The following ESRRA variants were observed in gnomAD, a reference collection of about 807,000 sequenced individuals.
The protein encoded by ESRRA is steroid hormone receptor ERR1.
ESRRA carries 7 observed loss-of-function variants against 35.6 expected under a neutral mutation model. That is an observed-to-expected ratio of 0.20 (90% confidence interval 0.11 to 0.37). ESRRA has a LOEUF of 0.37. Ranked by LOEUF, ESRRA falls within the 10% of genes least tolerant of loss-of-function variation. The pLI is 1.00. For synonymous variants in ESRRA, 223 were observed against 246.9 expected, an observed-to-expected ratio of 0.90 and a Z score of 0.91; for missense variants, 378 against 561.7, an observed-to-expected ratio of 0.67 and a Z score of 3.31.
In ESRRA at chr11:64,315,265, A is replaced by G; in HGVS notation, c.1007A>G (p.Asn336Ser). The G allele has an allele frequency of 1.3e-6, 2 of 1,556,540 alleles. No individual in the cohort carries two copies. Among genetic ancestry groups the G allele is most frequent in the Non-Finnish European group, 1.7e-6 (2 of 1,147,984 alleles). ...CTACTAAAGGCCTTGGCCCTTGCCAATTCAGGTGAGTCTGGGGCAGGCACT... is the reference window on the plus strand; with the variant it reads ...CTACTAAAGGCCTTGGCCCTTGCCAGTTCAGGTGAGTCTGGGGCAGGCACT... Reference protein sequence around the residue: ...YVLLKALALANSDSVHIEDAE... With the variant: ...YVLLKALALASSDSVHIEDAE... Residue 336 changes from asparagine (N) to serine (S), a missense_variant, in exon 6 of 7, where the codon AAT becomes AGT. Asn to Ser is a conservative substitution (Grantham distance 46). Around this residue, in one of 4 missense-constraint regions of ESRRA, gnomAD observed 284 missense variants for 411.7 expected, o/e 0.69. Transcript: ENST00000000442.
chr11:64,316,109 GC>G lies in ESRRA; in HGVS notation c.*147del, dbSNP rs1345958209. On this transcript the variant is annotated 3_prime_UTR_variant, in exon 7 of 7. Coordinates refer to ENST00000000442, the MANE Select transcript of ESRRA (RefSeq NM_004451.5). ...CAATGCCATCAGCCCCTGGGAACAG[GC>G]CCCACGCCCTCTCCTCCCCCTCCTA... 6 of 976,452 alleles carry G rather than the reference GC, an allele frequency of 6.1e-6. No individual in the cohort carries two copies. The highest frequency in any genetic ancestry group is 9.0e-6 in the Non-Finnish European group (6 of 663,606). 60.5% of individuals were successfully genotyped at this position (976,452 alleles called of 1,614,324 possible).
Position 64,307,373 on chromosome 11 carries a change from G to A in ESRRA, c.194G>A (p.Gly65Asp), listed in dbSNP as rs1337253844. 11 of 1,605,310 alleles carry A rather than the reference G, an allele frequency of 6.9e-6. No individual in the cohort carries two copies. Among genetic ancestry groups the A allele is most frequent in the Non-Finnish European group, 9.4e-6 (11 of 1,174,632 alleles). The change falls in exon 2 of 7, where the codon GGC (glycine) becomes GAC (aspartate). Residue 65 changes from glycine to aspartate, a missense_variant. By Grantham distance (94) the Gly-to-Asp change is moderately conservative. This residue lies in a region of ESRRA where 87 missense variants were observed against 92.6 expected (regional missense o/e 0.94). Transcript: ENST00000000442. ...GAGGGGGCTGGGCCTGGCGAGCAGG[G>A]CGGTGGGAAGCTGGTGCTCAGCTCC... The part of the protein sequence containing the change: ...DGEGAGPGEQ[G>D]GGKLVLSSLP...
rs747870707 is a variant in ESRRA at position 64,315,792 on chromosome 11, G to C, written c.1098G>C (p.Arg366=). The C allele has an allele frequency of 6.2e-6, 10 of 1,613,376 alleles. No homozygotes were observed. In the African/African-American group the frequency reaches 1.2e-4, roughly 19 times the overall value. ...HEALLEYEAG[R]AGPGGGAERR... is the part of the protein sequence containing the mutation. ...CCCTGCTGGAGTATGAAGCCGGCCG[G>C]GCTGGCCCCGGAGGGGGTGCTGAGC... Residue 366 remains arginine, a synonymous_variant, in exon 7 of 7, where the codon CGG becomes CGC. Coordinates refer to ENST00000000442, the MANE Select transcript of ESRRA (RefSeq NM_004451.5).
rs762287703 is a variant in ESRRA at position 64,315,192 on chromosome 11, C to G, written c.934C>G (p.Leu312Val). The G allele has an allele frequency of 6.2e-7, 1 of 1,612,494 alleles. No homozygotes were observed. The highest frequency in any genetic ancestry group is 1.7e-5 in the Admixed American group (1 of 59,898). Residue 312 changes from leucine to valine, a missense_variant, in exon 6 of 7, where the codon CTA (leucine) becomes GTA (valine). Leu to Val is a conservative substitution (Grantham distance 32). Around this residue, in one of 4 missense-constraint regions of ESRRA, gnomAD observed 284 missense variants for 411.7 expected, o/e 0.69. Transcript: ENST00000000442. Reference protein sequence around the residue: ...LGELGAALLQLVRRLQALRLE... With the variant: ...LGELGAALLQVVRRLQALRLE... ...GGAACTGGGGGCTGCCCTGCTGCAA[C>G]TAGTGCGGCGGCTGCAGGCCCTGCG...
At chr11:64,308,188 C>T (rs1461289008) in intron 2 of ESRRA, among the ~76,000 whole-genome samples, 1 of 151,776 alleles carries the variant, frequency 6.6e-6, no homozygotes, top group Admixed American at 6.6e-5. Context: ...TTGAGAGGGG[C>T]TACATCATAG....
chr11:64,314,598 C>T (rs886296805), intron 4 of ESRRA, 143 bp from the exon 5 acceptor site: 8 of 941,840 alleles, frequency 8.5e-6, no homozygotes, highest in Non-Finnish European at 1.2e-5. Context: ...CCCTGGGAGA[C>T]AGTTAGCGCT....
At chr11:64,310,132 A>G (rs1182387141) in intron 2 of ESRRA, among the ~76,000 whole-genome samples, 1 of 152,108 alleles carries the variant, frequency 6.6e-6, no homozygotes, top group Non-Finnish European at 1.5e-5. Context: ...GGGTCAGTAT[A>G]GGTCCAGAGC....
In ESRRA at chr11:64,312,296, C is replaced by T. The variant is rs368018470; in HGVS notation, c.326-1655C>T. Among the ~76,000 whole-genome samples, 23 of 152,220 alleles carry T rather than the reference C, an allele frequency of 1.5e-4. 1 individual carries two copies. The highest frequency in any genetic ancestry group is 3.4e-3 in the Middle Eastern group (1 of 294). On this transcript the variant is annotated intron_variant, in intron 2 of 6. Transcript: ENST00000000442. The stretch of plus-strand genomic sequence containing the variant: ...CTGGGACTACAGGTGCCTGCCACCA[C>T]ACCCAGCTAATTTTTGTACTTTTAG...
In ESRRA at chr11:64,313,780, C is replaced by T; in HGVS notation, c.326-171C>T. ...GCTCCTCCCTCATCCAGGCAGGGCT[C>T]CCCCGCCCAGCAGCCACTCCCCTCC... On this transcript the variant is annotated intron_variant, in intron 2 of 6. Coordinates refer to ENST00000000442, the MANE Select transcript of ESRRA (RefSeq NM_004451.5). This position sits in a 1 kb window ranked among gnomAD's most constrained non-coding sequence, Gnocchi z 4.0. The T allele has an allele frequency of 3.6e-6, 2 of 561,338 alleles. No homozygotes were observed. The highest frequency in any genetic ancestry group is 6.4e-6 in the Non-Finnish European group (2 of 313,510). The allele number at this position is 561,338 out of a possible 1,614,324, so 34.8% of individuals were successfully genotyped here.
Position 64,316,113 on chromosome 11 carries a change from C to T in ESRRA, c.*147C>T, listed in dbSNP as rs554238999. 5.2e-4 allele frequency: 491 copies of T among 937,556 alleles called. 2 individuals carry two copies. In the African/African-American group the frequency reaches 7.4e-3, roughly 14 times the overall value. The allele number at this position is 937,556 out of a possible 1,614,324, so 58.1% of individuals were successfully genotyped here. Reference sequence around the variant, plus strand: ...GCCATCAGCCCCTGGGAACAGGCCCCACGCCCTCTCCTCCCCCTCCTAGGG... The same window carrying T: ...GCCATCAGCCCCTGGGAACAGGCCCTACGCCCTCTCCTCCCCCTCCTAGGG... On this transcript the variant is annotated 3_prime_UTR_variant, in exon 7 of 7. Transcript: ENST00000000442.
intron 2 of ESRRA, among the ~76,000 whole-genome samples, chr11:64,308,842 C>G (rs1404448719): frequency 6.9e-6 from 1 of 144,544 alleles, no homozygotes; most frequent in Non-Finnish European, 1.5e-5. Context: ...AGGCTGGGCG[C>G]GGTGGCTCAT....
rs554500394 is a variant in ESRRA at position 64,315,525 on chromosome 11, T to A, written c.1013-182T>A. 9.2e-5 allele frequency among the ~76,000 whole-genome samples: 14 copies of A among 152,114 alleles called. No homozygotes were observed. In the East Asian group the frequency reaches 2.5e-3, roughly 27 times the overall value. On this transcript the variant is annotated intron_variant, in intron 6 of 6. Coordinates refer to ENST00000000442, the MANE Select transcript of ESRRA (RefSeq NM_004451.5). ...TGGGGAGGGTACAAGGTGGCCACAG[T>A]TGAGGGAGAGAGGGTGGGGTCCTGG... is the stretch of plus-strand genomic sequence containing the variant.
At chr11:64,311,564 T>C (rs746040084) in intron 2 of ESRRA, among the ~76,000 whole-genome samples, 5 of 148,612 alleles carry the variant, frequency 3.4e-5, no homozygotes, top group Admixed American at 1.3e-4. Context: ...TACAGGCGCA[T>C]GGCACCACGC....
chr11:64,313,849 C>G lies in ESRRA; in HGVS notation c.326-102C>G. 1.3e-6 allele frequency: 1 copy of G among 772,004 alleles called. No individual in the cohort carries two copies. The highest frequency in any genetic ancestry group is 2.1e-6 in the Non-Finnish European group (1 of 473,440). The allele number at this position is 772,004 out of a possible 1,614,324, so 47.8% of individuals were successfully genotyped here. Reference sequence around the variant, plus strand: ...CTGCTCTCCCTTTCCTCCCCATACCCCCAGACCTGTGCTTGCCCGGGGAGA... The same window carrying G: ...CTGCTCTCCCTTTCCTCCCCATACCGCCAGACCTGTGCTTGCCCGGGGAGA... On this transcript the variant is annotated intron_variant, in intron 2 of 6. Coordinates refer to ENST00000000442, the MANE Select transcript of ESRRA (RefSeq NM_004451.5). The surrounding 1 kb of genome is among the most constrained non-coding windows in gnomAD (Gnocchi z 4.0).
chr11:64,310,321 G>A (rs2035115418), intron 2 of ESRRA, among the ~76,000 whole-genome samples: 3 of 147,380 alleles, frequency 2.0e-5, no homozygotes, highest in Non-Finnish European at 1.5e-5. Flanking sequence ...TGCAAGCTCC[G>A]CCTCCCGGGT....
chr11:64,314,274 A>G lies in ESRRA; in HGVS notation c.478A>G (p.Lys160Glu). 1 of 1,612,458 alleles carries G rather than the reference A, an allele frequency of 6.2e-7. No homozygotes were observed. Among genetic ancestry groups the G allele is most frequent in the Non-Finnish European group, 8.5e-7 (1 of 1,179,750 alleles). The change falls in exon 4 of 7, where the codon AAG becomes GAG. Residue 160 changes from lysine to glutamate, a missense_variant. Lys to Glu is a moderately conservative substitution (Grantham distance 56). Coordinates refer to ENST00000000442, the MANE Select transcript of ESRRA (RefSeq NM_004451.5). ...GGACCGCGTCCGGGGTGGGCGGCAG[A>G]AGTACAAGCGGCGGCCGGAGGTGGA... ...RLDRVRGGRQ[K>E]YKRRPEVDPL... is the part of the protein sequence containing the mutation.
At chr11:64,314,946 C>T (rs375492300) in intron 5 of ESRRA, 35 bp downstream of exon 5, 21 of 1,605,542 alleles carry the variant, frequency 1.3e-5, no homozygotes, top group Admixed American at 1.0e-4. Context: ...CTGCCCTGAA[C>T]GGGCCCGGCT....
intron 5 of ESRRA, 25 bp from the exon 6 acceptor site, chr11:64,314,976 A>C (rs1478477761): frequency 6.3e-7 from 1 of 1,590,592 alleles, no homozygotes; most frequent in Non-Finnish European, 8.6e-7. Flanking sequence ...TTGCTCAGCC[A>C]GGCCCGCTCC....
chr11:64,314,947 G>A (rs201418650), intron 5 of ESRRA, 36 bp downstream of exon 5: 26 of 1,605,572 alleles, frequency 1.6e-5, no homozygotes, highest in Admixed American at 6.7e-5. Context: ...TGCCCTGAAC[G>A]GGCCCGGCTC....
Sources: allele counts gnomAD v4.1 joint callset (sites outside exome capture counted in the v4.1 genomes callset), GRCh38; gene constraint gnomAD v4.1.1; regional missense constraint gnomAD v4.1.1; non-coding constraint Gnocchi (gnomAD v3.1); transcripts MANE v1.5; gene names NCBI Gene and HGNC (gene_info 2026-07-23, HGNC 2026-07-21).